Variants in H2BC5 observed in about 807,000 individuals in gnomAD.
H2BC5 encodes histone H2B type 1-D.
In H2BC5, 9 loss-of-function variants were observed where a neutral mutation model predicts 5.7. The observed-to-expected ratio is 1.57, with a 90% CI of 0.95 to 2.74. The LOEUF is 2.74. H2BC5 is among the 30% of genes most tolerant of loss of function. The probability of loss-of-function intolerance (pLI) is 0.00; values close to 1 mark genes in which losing one functional copy is unlikely to be tolerated. For missense variants in H2BC5, 175 were observed against 168.8 expected (o/e 1.04, Z -0.20); for synonymous variants, 133 against 70.9 (o/e 1.88, Z -4.40).
chr6:26,158,188 T>A lies in H2BC5; in HGVS notation c.19T>A (p.Ser7Thr), dbSNP rs1202875011. Residue 7 changes from serine to threonine, a missense_variant, in exon 1 of 1, where the codon TCT (serine) becomes ACT (threonine). Physicochemically the swap from Ser to Thr is moderately conservative, Grantham distance 58. Transcript: ENST00000377777. ...CGCTACGATGCCTGAACCTACCAAG[T>A]CTGCTCCTGCCCCAAAGAAGGGCTC... Reference protein sequence around the residue: MPEPTKSAPAPKKGSKK... With the variant: MPEPTKTAPAPKKGSKK... 2 of 1,614,092 alleles carry A rather than the reference T, an allele frequency of 1.2e-6. No homozygotes were observed. Among genetic ancestry groups the A allele is most frequent in the Non-Finnish European group, 1.7e-6 (2 of 1,179,998 alleles).
chr6:26,165,382 A>C (rs963850251), intron 1 of H2BC5, among the ~76,000 whole-genome samples: 1 of 152,052 alleles, frequency 6.6e-6, no homozygotes, highest in African/African-American at 2.4e-5. Context: ...ACCATGCCCA[A>C]GATATCCTTG....
At chr6:26,158,736 A>C (rs547461731), downstream of H2BC5, 1 of 985,446 alleles carries the variant, frequency 1.0e-6, no homozygotes, top group East Asian at 2.6e-5. Flanking sequence ...AGGGAATAAC[A>C]ATAGGTACTA....
intron 1 of H2BC5, among the ~76,000 whole-genome samples, chr6:26,165,427 G>A (rs1316168691): frequency 1.3e-5 from 2 of 152,060 alleles, no homozygotes; most frequent in Admixed American, 6.6e-5. Context: ...TCCTGTGTCT[G>A]TACACAGCTG....
intron 1 of H2BC5, among the ~76,000 whole-genome samples, chr6:26,167,049 C>CTTTTTTTTTTTTTTTTTTTTTTTTTCTT (rs149341201): frequency 1.0e-5 from 1 of 97,026 alleles, no homozygotes; most frequent in Non-Finnish European, 1.9e-5. Context: ...TTTGTTTTCT[C>CTTTTTTTTTTTTTTTTTTTTTTTTTCTT]TTTTTTTTTT....
At chr6:26,162,387 A>G (rs1233799924), downstream of H2BC5, among the ~76,000 whole-genome samples, 1 of 152,208 alleles carries the variant, frequency 6.6e-6, no homozygotes, top group African/African-American at 2.4e-5. Flanking sequence ...CATCACAAAC[A>G]ATATGTCACA....
chr6:26,158,385 G>A lies in H2BC5; in HGVS notation c.216G>A (p.Glu72=), dbSNP rs773125321. 7 of 1,614,268 alleles carry A rather than the reference G, an allele frequency of 4.3e-6. No individual in the cohort carries two copies. The highest frequency in any genetic ancestry group is 5.9e-6 in the Non-Finnish European group (7 of 1,180,050). The part of the protein sequence containing the change: ...IMNSFVNDIF[E]RIAGEASRLA... ...ATTCCTTCGTCAACGACATCTTCGAGCGCATCGCAGGCGAGGCTTCCCGCC... is the reference window on the plus strand; with the variant it reads ...ATTCCTTCGTCAACGACATCTTCGAACGCATCGCAGGCGAGGCTTCCCGCC... The change falls in exon 1 of 1, where the codon GAG becomes GAA. Residue 72 remains glutamate (E), a synonymous_variant. Coordinates refer to ENST00000377777, the MANE Select transcript of H2BC5 (RefSeq NM_021063.4).
chr6:26,158,401 G>T lies in H2BC5; in HGVS notation c.232G>T (p.Ala78Ser), dbSNP rs1316456086. Reference protein sequence around the residue: ...NDIFERIAGEASRLAHYNKRS... With the variant: ...NDIFERIAGESSRLAHYNKRS... ...CATCTTCGAGCGCATCGCAGGCGAG[G>T]CTTCCCGCCTGGCGCATTACAACAA... The change falls in exon 1 of 1, where the codon GCT (alanine) becomes TCT (serine). Residue 78 changes from alanine to serine, a missense_variant. By Grantham distance (99) the Ala-to-Ser change is moderately conservative. Transcript: ENST00000377777. 4 of 1,614,266 alleles carry T rather than the reference G, an allele frequency of 2.5e-6. No individual in the cohort carries two copies. The highest frequency in any genetic ancestry group is 1.3e-5 in the African/African-American group (1 of 75,070).
At chr6:26,158,934 T>TTGAC (rs1288266906), downstream of H2BC5, among the ~76,000 whole-genome samples, 1 of 152,222 alleles carries the variant, frequency 6.6e-6, no homozygotes, top group Non-Finnish European at 1.5e-5. Flanking sequence ...GTGCACGCTC[T>TTGAC]TGACAACTTC....
chr6:26,159,013 T>G (rs1434045853), downstream of H2BC5, among the ~76,000 whole-genome samples: 1 of 152,108 alleles, frequency 6.6e-6, no homozygotes, highest in Non-Finnish European at 1.5e-5. Flanking sequence ...CATGCAGATA[T>G]GTAATAACTG....
At chr6:26,158,672 G>C (rs369024771), downstream of H2BC5, 57 of 1,413,752 alleles carry the variant, frequency 4.0e-5, 1 homozygote, top group East Asian at 1.6e-4. Context: ...TAGCACCACA[G>C]TACCAATCTT....
rs1436901365 is a variant in H2BC5 at position 26,158,316 on chromosome 6, C to T, written c.147C>T (p.Val49=). Residue 49 remains valine (V), a synonymous_variant, in exon 1 of 1, where the codon GTC becomes GTT. Coordinates refer to ENST00000377777, the MANE Select transcript of H2BC5 (RefSeq NM_021063.4). ...SVYVYKVLKQ[V]HPDTGISSKA... ...ATGTGTACAAGGTGCTGAAGCAGGT[C>T]CATCCCGACACCGGCATCTCTTCCA... 1 of 1,614,240 alleles carries T rather than the reference C, an allele frequency of 6.2e-7. No individual in the cohort carries two copies. The highest frequency in any genetic ancestry group is 1.1e-5 in the South Asian group (1 of 91,084).
downstream of H2BC5, chr6:26,158,788 T>A (rs535634943): frequency 1.5e-6 from 1 of 649,522 alleles, no homozygotes; most frequent in African/African-American, 1.8e-5. Context: ...GTTAGCTCAT[T>A]TAGTATCACA....
intron 1 of H2BC5, among the ~76,000 whole-genome samples, chr6:26,164,596 T>A (rs867976412): frequency 6.8e-6 from 1 of 147,782 alleles, no homozygotes; most frequent in Middle Eastern, 3.5e-3. Flanking sequence ...AAGGGAGATT[T>A]TATATATATA....
At chr6:26,158,620 A>G (rs1764283978), downstream of H2BC5, 2 of 1,581,478 alleles carry the variant, frequency 1.3e-6, no homozygotes, top group Non-Finnish European at 1.7e-6. Context: ...TTTTCAATAA[A>G]TGAGTTGTAA....
At chr6:26,162,603 C>G (rs1036044543), downstream of H2BC5, among the ~76,000 whole-genome samples, 2 of 151,760 alleles carry the variant, frequency 1.3e-5, no homozygotes, top group South Asian at 4.2e-4. Flanking sequence ...GCGCAGTGGC[C>G]GGATCTCTGC....
At chr6:26,169,290 A>G (rs1044784544) in intron 1 of H2BC5, among the ~76,000 whole-genome samples, 4 of 152,166 alleles carry the variant, frequency 2.6e-5, no homozygotes, top group Non-Finnish European at 5.9e-5. Context: ...GGCGCTGCAT[A>G]TACACAGAGA....
In H2BC5 at chr6:26,158,268, C is replaced by T. The variant is rs1315104192; in HGVS notation, c.99C>T (p.Ser33=). The change falls in exon 1 of 1, where the codon AGC becomes AGT. Residue 33 remains serine (S), a synonymous_variant. Coordinates refer to ENST00000377777, the MANE Select transcript of H2BC5 (RefSeq NM_021063.4). ...QKKDGKKRKR[S]RKESYSVYVY... ...AGGACGGGAAGAAGCGCAAGCGCAG[C>T]CGCAAGGAGAGCTATTCAGTGTATG... 2.5e-6 allele frequency: 4 copies of T among 1,614,154 alleles called. No individual in the cohort carries two copies. The highest frequency in any genetic ancestry group is 3.4e-6 in the Non-Finnish European group (4 of 1,180,062).
At chr6:26,160,051 A>G (rs949183266), downstream of H2BC5, among the ~76,000 whole-genome samples, 1 of 152,166 alleles carries the variant, frequency 6.6e-6, no homozygotes, top group African/African-American at 2.4e-5. Context: ...CCACACATAC[A>G]AACCCATCAC....
downstream of H2BC5, chr6:26,163,470 G>T (rs1320975512): frequency 6.6e-6 from 1 of 152,036 alleles, no homozygotes; most frequent in Non-Finnish European, 1.5e-5. Context: ...TATGGCTCCG[G>T]GTCTTCCTTG....
Sources: allele counts gnomAD v4.1 joint callset (sites outside exome capture counted in the v4.1 genomes callset), GRCh38; gene constraint gnomAD v4.1.1; transcripts MANE v1.5; gene names NCBI Gene and HGNC (gene_info 2026-07-23, HGNC 2026-07-21).